SLC38A2: variants seen among roughly 807,000 people sequenced by gnomAD.
The protein encoded by SLC38A2 is sodium-coupled neutral amino acid symporter 2.
Under a neutral mutation model 61.5 loss-of-function variants are expected in SLC38A2, and 11 were observed. The observed-to-expected ratio is 0.18, with a 90% CI of 0.11 to 0.30. The LOEUF is 0.30. SLC38A2 is among the 10% of genes least tolerant of loss of function. The pLI, the probability that SLC38A2 is intolerant of heterozygous loss-of-function variation, is 1.00. For missense variants in SLC38A2, 522 were observed against 600.4 expected, an observed-to-expected ratio of 0.87 and a Z score of 1.36; for synonymous variants, 217 against 212.5, an observed-to-expected ratio of 1.02 and a Z score of -0.18.
At chr12:46,370,364 A>G (rs1943182170) in intron 4 of SLC38A2, 148 bp downstream of exon 4, 6 of 630,028 alleles carry the variant, frequency 9.5e-6, no homozygotes, top group Middle Eastern at 3.0e-4. Context: ...TAGAATAAAG[A>G]GATTTTTTGG....
Position 46,358,202 on chromosome 12 carries a change from G to T in SLC38A2, c.*2909C>A, listed in dbSNP as rs1452209615. On this transcript the variant is annotated 3_prime_UTR_variant, in exon 16 of 16. Coordinates refer to ENST00000256689, the MANE Select transcript of SLC38A2 (RefSeq NM_018976.5). ...AACACTGCTACTCAGGATTAAGCAT[G>T]TATTTATTTTAGTTCAGTTAAAACA... 6.6e-6 allele frequency: 1 copy of T among 152,588 alleles called. No homozygotes were observed. The highest frequency in any genetic ancestry group is 2.4e-5 in the African/African-American group (1 of 41,420). 9.5% of individuals were successfully genotyped at this position (152,588 alleles called of 1,614,324 possible). A position where few individuals can be genotyped will look rare whatever the true frequency, so the allele number is the denominator to read the frequency against.
chr12:46,367,805 AG>A (rs1565829330), intron 4 of SLC38A2, among the ~76,000 whole-genome samples: 1 of 152,212 alleles, frequency 6.6e-6, no homozygotes, highest in Non-Finnish European at 1.5e-5. Context: ...CGTTCAGGAA[AG>A]GTTTTAAGAC....
chr12:46,363,170 T>C (rs1943101900), intron 12 of SLC38A2, 25 bp from the exon 13 acceptor site: 2 of 1,606,954 alleles, frequency 1.2e-6, no homozygotes, highest in East Asian at 2.2e-5. Context: ...CAAAAAAACT[T>C]TGATTGGCTG....
rs563062278 is a variant in SLC38A2 at position 46,363,726 on chromosome 12, C to T, written c.1054G>A (p.Glu352Lys). 4.3e-5 allele frequency: 67 copies of T among 1,546,622 alleles called. No homozygotes were observed. In the Admixed American group the frequency reaches 5.8e-4, roughly 13 times the overall value. Residue 352 changes from glutamate to lysine, a missense_variant and splice_region_variant, in exon 12 of 16, where the codon GAA (glutamate) becomes AAA (lysine). Around this residue, in one of 3 missense-constraint regions of SLC38A2, gnomAD observed 309 missense variants for 343.9 expected, o/e 0.90. Transcript: ENST00000256689. ...AALFGYLTFYEHVESELLHTY... is the reference protein window; with the variant it reads ...AALFGYLTFYKHVESELLHTY... Reference sequence around the variant, plus strand: ...TTTTGGTAAAGGAGGCGTTACTTACCGTAAAATGTTAGGTATCCAAAGAGG... The same window carrying T: ...TTTTGGTAAAGGAGGCGTTACTTACTGTAAAATGTTAGGTATCCAAAGAGG...
chr12:46,370,221 T>A (rs947383327), intron 4 of SLC38A2, among the ~76,000 whole-genome samples: 41 of 152,366 alleles, frequency 2.7e-4, no homozygotes, highest in Middle Eastern at 3.4e-3. Context: ...ATAGTTTTTT[T>A]AATATCTACC....
rs1943116309 is a variant in SLC38A2 at position 46,364,401 on chromosome 12, A to C, written c.861T>G (p.Ile287Met). 1.3e-6 allele frequency: 2 copies of C among 1,580,556 alleles called. No homozygotes were observed. The highest frequency in any genetic ancestry group is 2.7e-5 in the African/African-American group (2 of 72,778). Residue 287 changes from isoleucine to methionine, a missense_variant, in exon 10 of 16, where the codon ATT (isoleucine) becomes ATG (methionine). This residue lies in a region of SLC38A2 where 309 missense variants were observed against 343.9 expected (regional missense o/e 0.90). Coordinates refer to ENST00000256689, the MANE Select transcript of SLC38A2 (RefSeq NM_018976.5). Reference protein sequence around the residue: ...ENDSCRPHYFIFNSQTVYAVP... With the variant: ...ENDSCRPHYFMFNSQTVYAVP... ...CATATTTAGTTACCTGTGAGTTGAAAATAAAATAGTGAGGTCTGCAAGAGT... is the reference window on the plus strand; with the variant it reads ...CATATTTAGTTACCTGTGAGTTGAACATAAAATAGTGAGGTCTGCAAGAGT...
At chr12:46,371,428 G>T in intron 1 of SLC38A2, 49 bp from the exon 2 acceptor site, 1 of 690,756 alleles carries the variant, frequency 1.4e-6, no homozygotes, top group Admixed American at 2.8e-5. Flanking sequence ...AGCCCGCCGC[G>T]GTCACGTGAC....
chr12:46,364,332 G>C, intron 10 of SLC38A2, 57 bp downstream of exon 10: 1 of 1,481,966 alleles, frequency 6.7e-7, no homozygotes. Flanking sequence ...GGAGTGAATA[G>C]CTTCCCTCTT....
At chr12:46,370,108 G>C (rs531880747) in intron 4 of SLC38A2, among the ~76,000 whole-genome samples, 1 of 152,254 alleles carries the variant, frequency 6.6e-6, no homozygotes, top group South Asian at 2.1e-4. Flanking sequence ...GGGGCCACAG[G>C]TCCTTAAGAA....
chr12:46,371,479 G>C (rs985335899), intron 1 of SLC38A2, 100 bp from the exon 2 acceptor site: 9 of 566,970 alleles, frequency 1.6e-5, no homozygotes, highest in Non-Finnish European at 2.2e-5. Flanking sequence ...TCCCAGGCCA[G>C]GCGAGTGGAA....
At chr12:46,368,606 C>T (rs1053457290) in intron 4 of SLC38A2, among the ~76,000 whole-genome samples, 2 of 152,072 alleles carry the variant, frequency 1.3e-5, no homozygotes, top group Non-Finnish European at 2.9e-5. Context: ...TTTTTAATTC[C>T]GTATGAACAA....
At chr12:46,364,591 G>A in intron 9 of SLC38A2, 35 bp from the exon 10 acceptor site, 2 of 1,598,078 alleles carry the variant, frequency 1.3e-6, no homozygotes, top group Non-Finnish European at 1.7e-6. Context: ...GTTAAACTAA[G>A]TGACATGGCA....
At chr12:46,366,977 T>G in intron 6 of SLC38A2, 32 bp from the exon 7 acceptor site, 1 of 1,611,034 alleles carries the variant, frequency 6.2e-7, no homozygotes, top group South Asian at 1.1e-5. Context: ...CCATTACAAG[T>G]GCAAAACGCG....
intron 1 of SLC38A2, 23 bp downstream of exon 1, chr12:46,372,486 A>C: frequency 8.5e-6 from 3 of 351,448 alleles, no homozygotes; most frequent in East Asian, 4.0e-5. Context: ...CCCTTCCCAC[A>C]GACGCCCCCC....
chr12:46,369,134 A>T (rs1943168667), intron 4 of SLC38A2, among the ~76,000 whole-genome samples: 1 of 152,228 alleles, frequency 6.6e-6, no homozygotes, highest in African/African-American at 2.4e-5. Context: ...GGTGCCATTT[A>T]GTATCATTTC....
Position 46,365,094 on chromosome 12 carries a change from T to C in SLC38A2, c.646+13A>G. ...GGCTCATTTCAATTCTCTTTAGAGA[T>C]GAGTTTGCTCACCTAAATTTCTAAA... On this transcript the variant is annotated intron_variant, in intron 8 of 15. Coordinates refer to ENST00000256689, the MANE Select transcript of SLC38A2 (RefSeq NM_018976.5). 6.2e-7 allele frequency: 1 copy of C among 1,608,386 alleles called. No homozygotes were observed. Among genetic ancestry groups the C allele is most frequent in the Non-Finnish European group, 8.5e-7 (1 of 1,175,310 alleles).
At chr12:46,369,987 A>C (rs3742061) in intron 4 of SLC38A2, among the ~76,000 whole-genome samples, 1 of 152,280 alleles carries the variant, frequency 6.6e-6, no homozygotes, top group East Asian at 1.9e-4. Flanking sequence ...ATTGCTTTTC[A>C]GGGTCCAGAA....
In SLC38A2 at chr12:46,360,396, A is replaced by C. The variant is rs1943068217; in HGVS notation, c.*715T>G. The C allele has an allele frequency of 6.6e-6, 1 of 152,246 alleles. No individual in the cohort carries two copies. The highest frequency in any genetic ancestry group is 6.5e-5 in the Admixed American group (1 of 15,282). 9.4% of individuals were successfully genotyped at this position (152,246 alleles called of 1,614,324 possible). ...GTATAGCAATAATCAATCATCTTTT[A>C]AGTAATGGTGACGTTTAAATGGAAA... is the stretch of plus-strand genomic sequence containing the variant. On this transcript the variant is annotated 3_prime_UTR_variant, in exon 16 of 16. Coordinates refer to ENST00000256689, the MANE Select transcript of SLC38A2 (RefSeq NM_018976.5).
intron 1 of SLC38A2, among the ~76,000 whole-genome samples, chr12:46,371,837 T>C (rs1438527343): frequency 2.0e-5 from 3 of 151,904 alleles, no homozygotes; most frequent in Non-Finnish European, 4.4e-5. Context: ...CTGCCCGGAG[T>C]CCCCACACGG....
Sources: allele counts gnomAD v4.1 joint callset (sites outside exome capture counted in the v4.1 genomes callset), GRCh38; gene constraint gnomAD v4.1.1; regional missense constraint gnomAD v4.1.1; transcripts MANE v1.5; gene names NCBI Gene and HGNC (gene_info 2026-07-23, HGNC 2026-07-21).